SCUBE1: variants seen among roughly 807,000 people sequenced by gnomAD.
The protein encoded by SCUBE1 is signal peptide, CUB domain and EGF like domain containing 1.
A neutral mutation model predicts 124.4 loss-of-function variants in SCUBE1; 59 were observed. The observed-to-expected ratio is 0.47, with a 90% CI of 0.38 to 0.59. SCUBE1 has a LOEUF of 0.59. Ranked by LOEUF, SCUBE1 falls within the 20% of genes least tolerant of loss-of-function variation. SCUBE1 has a pLI of 0.00. For synonymous variants in SCUBE1, 545 were observed against 550.9 expected, an observed-to-expected ratio of 0.99 and a Z score of 0.15; for missense variants, 1,150 against 1,371.2, an observed-to-expected ratio of 0.84 and a Z score of 2.55.
At chr22:43,325,444 T>TA (rs35598383) in intron 2 of SCUBE1, among the ~76,000 whole-genome samples, 27,742 of 89,328 alleles carry the variant, frequency 0.31, 4,555 homozygotes, top group African/African-American at 0.34. Flanking sequence ...ACTCCGTCTT[T>TA]AAAAAAAAAA....
At position 43,255,687 on chromosome 22, in the gene SCUBE1, A is replaced by G. The variant is rs1427670443; in HGVS notation, c.727+2532T>C. The G allele has an allele frequency of 1.1e-6, 1 of 883,980 alleles. No homozygotes were observed. The highest frequency in any genetic ancestry group is 1.7e-5 in the African/African-American group (1 of 60,166). The allele number at this position is 883,980 out of a possible 1,614,324, so 54.8% of individuals were successfully genotyped here. A position where few individuals can be genotyped will look rare whatever the true frequency, so the allele number is the denominator to read the frequency against. The stretch of plus-strand genomic sequence containing the variant: ...GTGGCGCACGCAAAGCCAACACAAC[A>G]CGCCGGCCAGCTCGGCATCCTCGCC... On this transcript the variant is annotated intron_variant, in intron 6 of 21. Coordinates refer to ENST00000360835, the MANE Select transcript of SCUBE1 (RefSeq NM_173050.5). This position sits in a 1 kb window ranked among gnomAD's most constrained non-coding sequence, Gnocchi z 4.7.
At position 43,211,127 on chromosome 22, in the gene SCUBE1, A is replaced by G. The variant is rs1263679040; in HGVS notation, c.2222-44T>C. On this transcript the variant is annotated intron_variant, in intron 17 of 21. Transcript: ENST00000360835. This position sits in a 1 kb window ranked among gnomAD's most constrained non-coding sequence, Gnocchi z 4.5. ...CAGTGTGGTGGGTGTGGAGGGGTGC[A>G]GGGAAAGGGCAGCACTGGGGTGCTG... 1.3e-6 allele frequency: 2 copies of G among 1,568,612 alleles called. No homozygotes were observed. Among genetic ancestry groups the G allele is most frequent in the Admixed American group, 3.8e-5 (2 of 53,214 alleles).
In SCUBE1 at chr22:43,231,758, C is replaced by T. The variant is rs1439030980; in HGVS notation, c.962G>A (p.Cys321Tyr). 1.9e-6 allele frequency: 3 copies of T among 1,584,688 alleles called. No individual in the cohort carries two copies. The highest frequency in any genetic ancestry group is 1.7e-6 in the Non-Finnish European group (2 of 1,166,662). The change falls in exon 8 of 22, where the codon TGC becomes TAC. Residue 321 changes from cysteine (C) to tyrosine (Y), a missense_variant. Cys to Tyr is a radical substitution (Grantham distance 194, BLOSUM62 -2). Transcript: ENST00000360835. ...GGGGCATGGCAGGGGCTCACCCTGG[C>T]AGGTGCGCTCGTCGGTGAGCAGCTT... ...GYKLLTDERT[C>Y]QDIDECSFER...
intron 2 of SCUBE1, among the ~76,000 whole-genome samples, chr22:43,337,350 A>ACT (rs1927116182): frequency 6.6e-6 from 1 of 152,216 alleles, no homozygotes; most frequent in South Asian, 2.1e-4. Context: ...CTTGGGAAGG[A>ACT]AGAGGCCAGG....
chr22:43,263,760 G>A lies in SCUBE1; in HGVS notation c.485-915C>T, dbSNP rs531869543. Reference sequence around the variant, plus strand: ...AAATGAGGAAGCCTGCATTTTGCCCGGCACTGTAACTCCTGGTTTCACCTG... The same window carrying A: ...AAATGAGGAAGCCTGCATTTTGCCCAGCACTGTAACTCCTGGTTTCACCTG... On this transcript the variant is annotated intron_variant, in intron 4 of 21. Coordinates refer to ENST00000360835, the MANE Select transcript of SCUBE1 (RefSeq NM_173050.5). Among the ~76,000 whole-genome samples, 3 of 152,284 alleles carry A rather than the reference G, an allele frequency of 2.0e-5. No individual in the cohort carries two copies. In the South Asian group the frequency reaches 6.2e-4, roughly 32 times the overall value.
chr22:43,262,221 C>T (rs1180809508), intron 5 of SCUBE1, among the ~76,000 whole-genome samples: 2 of 152,182 alleles, frequency 1.3e-5, no homozygotes, highest in Non-Finnish European at 2.9e-5. Flanking sequence ...GACTCAAAGT[C>T]GGGCTAGAGT....
intron 15 of SCUBE1, among the ~76,000 whole-genome samples, chr22:43,215,980 A>G (rs994605007): frequency 6.6e-6 from 1 of 152,168 alleles, no homozygotes; most frequent in Non-Finnish European, 1.5e-5. Context: ...ATTTGGATGA[A>G]GAAAATATGG....
intron 6 of SCUBE1, among the ~76,000 whole-genome samples, chr22:43,250,974 T>A (rs887533427): frequency 2.6e-5 from 4 of 152,216 alleles, no homozygotes; most frequent in Non-Finnish European, 4.4e-5. Flanking sequence ...CAGGCTTTGC[T>A]CACTGGCTAT....
rs139698434 is a variant in SCUBE1 at position 43,204,128 on chromosome 22, G to C, written c.2836C>G (p.Leu946Val). ...TGGGGATGCGCCAGCACGTCGAAGA[G>C]GGCCTTGATCAGCTTCTTGTCCTGT... ...ILKDKKLIKALFDVLAHPQNY... is the reference protein window; with the variant it reads ...ILKDKKLIKAVFDVLAHPQNY... The change falls in exon 22 of 22, where the codon CTC becomes GTC. Residue 946 changes from leucine to valine, a missense_variant. By Grantham distance (32) the Leu-to-Val change is conservative. This residue lies in a region of SCUBE1 where 757 missense variants were observed against 840.9 expected (regional missense o/e 0.90). Coordinates refer to ENST00000360835, the MANE Select transcript of SCUBE1 (RefSeq NM_173050.5). 1.2e-6 allele frequency: 2 copies of C among 1,613,940 alleles called. No homozygotes were observed. The highest frequency in any genetic ancestry group is 2.7e-5 in the African/African-American group (2 of 74,900).
At chr22:43,272,099 C>A (rs559699739) in intron 4 of SCUBE1, among the ~76,000 whole-genome samples, 1 of 152,306 alleles carries the variant, frequency 6.6e-6, no homozygotes, top group South Asian at 2.1e-4. Flanking sequence ...ACTTGGCAGC[C>A]TGGACGGTCC....
chr22:43,239,939 T>G lies in SCUBE1; in HGVS notation c.728-985A>C, dbSNP rs183735924. 7.9e-5 allele frequency among the ~76,000 whole-genome samples: 12 copies of G among 152,288 alleles called. 1 individual carries two copies. Among genetic ancestry groups the G allele is most frequent in the Admixed American group, 6.5e-4 (10 of 15,298 alleles). On this transcript the variant is annotated intron_variant, in intron 6 of 21. Transcript: ENST00000360835. ...GGTCTCCCTAATGGGTTTACTCTGT[T>G]CCTGTGCTGTGGGGTCTGCGTTTCT...
intron 4 of SCUBE1, among the ~76,000 whole-genome samples, chr22:43,271,336 C>T (rs1481440313): frequency 1.3e-5 from 2 of 152,224 alleles, no homozygotes; most frequent in African/African-American, 2.4e-5. Context: ...GTCCCCTGTA[C>T]AATGCCTAAC....
chr22:43,311,465 G>A (rs1031849509), intron 3 of SCUBE1, among the ~76,000 whole-genome samples: 23 of 150,456 alleles, frequency 1.5e-4, no homozygotes, highest in African/African-American at 5.6e-4. Context: ...CTGTCGCCCA[G>A]GCTGGAGTGC....
At chr22:43,248,735 G>A (rs925204263) in intron 6 of SCUBE1, among the ~76,000 whole-genome samples, 1 of 152,302 alleles carries the variant, frequency 6.6e-6, no homozygotes, top group African/African-American at 2.4e-5. Context: ...CCTGGGGAGC[G>A]GCCCTGTGAT....
Position 43,291,050 on chromosome 22 carries a change from G to A in SCUBE1, c.480C>T (p.Ser160=). 6.2e-7 allele frequency: 1 copy of A among 1,607,428 alleles called. No individual in the cohort carries two copies. The highest frequency in any genetic ancestry group is 8.5e-7 in the Non-Finnish European group (1 of 1,176,020). Residue 160 remains serine (S), a synonymous_variant, in exon 4 of 22, where the codon TCC becomes TCT. Transcript: ENST00000360835. ...GTCAGCATAGGCTGTACTCACCATT[G>A]GAGCGGTGGATGCAGGTATGCTGGT... The part of the protein sequence containing the change: ...SDNQHTCIHR[S]NEGMNCMNKD...
chr22:43,325,408 AC>A (rs1286683039), intron 2 of SCUBE1, among the ~76,000 whole-genome samples: 1 of 140,298 alleles, frequency 7.1e-6, no homozygotes, highest in East Asian at 2.1e-4. Flanking sequence ...GCGCCGTTGC[AC>A]TCCAGCCTGG....
intron 3 of SCUBE1, among the ~76,000 whole-genome samples, chr22:43,309,726 TC>T (rs1192099698): frequency 6.6e-6 from 1 of 151,698 alleles, no homozygotes; most frequent in Non-Finnish European, 1.5e-5. Context: ...CAGTCTGTCC[TC>T]CCCCTAGCCT....
intron 3 of SCUBE1, among the ~76,000 whole-genome samples, chr22:43,307,859 C>T (rs1046734828): frequency 6.6e-6 from 1 of 152,222 alleles, no homozygotes; most frequent in African/African-American, 2.4e-5. Context: ...CAGGGCATTT[C>T]CCAAGGTCTC....
Position 43,210,797 on chromosome 22 carries a change from G to A in SCUBE1, c.2383+125C>T. The A allele has an allele frequency of 8.6e-7, 1 of 1,159,140 alleles. No individual in the cohort carries two copies. The highest frequency in any genetic ancestry group is 1.4e-5 in the South Asian group (1 of 70,176). 71.8% of individuals were successfully genotyped at this position (1,159,140 alleles called of 1,614,324 possible). A position where few individuals can be genotyped will look rare whatever the true frequency, so the allele number is the denominator to read the frequency against. On this transcript the variant is annotated intron_variant, in intron 18 of 21. Transcript: ENST00000360835. This position sits in a 1 kb window ranked among gnomAD's most constrained non-coding sequence, Gnocchi z 4.5. ...GATGCAATGCACCCGAGAGCAGACGGGACGGAGCGGGAGGAGTCCAGTGTC... is the reference window on the plus strand; with the variant it reads ...GATGCAATGCACCCGAGAGCAGACGAGACGGAGCGGGAGGAGTCCAGTGTC...
Sources: allele counts gnomAD v4.1 joint callset (sites outside exome capture counted in the v4.1 genomes callset), GRCh38; gene constraint gnomAD v4.1.1; regional missense constraint gnomAD v4.1.1; non-coding constraint Gnocchi (gnomAD v3.1); transcripts MANE v1.5; gene names NCBI Gene and HGNC (gene_info 2026-07-23, HGNC 2026-07-21).